GLRX3: variants seen among roughly 807,000 people sequenced by gnomAD.
The protein encoded by GLRX3 is glutaredoxin 3.
GLRX3 carries 22 observed loss-of-function variants against 49.5 expected under a neutral mutation model. The observed-to-expected ratio is 0.44, with a 90% CI of 0.32 to 0.63. The LOEUF (loss-of-function observed/expected upper bound fraction) is 0.63. Ranked by LOEUF, GLRX3 falls within the 30% of genes least tolerant of loss-of-function variation. GLRX3 has a pLI of 0.05. For missense variants in GLRX3, 385 were observed against 396.3 expected (o/e 0.97, Z 0.24); for synonymous variants, 133 against 140.0 (o/e 0.95, Z 0.35).
At chr10:130,144,121 T>C (rs573802182) in intron 1 of GLRX3, among the ~76,000 whole-genome samples, 11 of 152,352 alleles carry the variant, frequency 7.2e-5, no homozygotes, top group African/African-American at 2.4e-4. Context: ...CTGCTGTTTC[T>C]ATGGTCACGG....
chr10:130,170,626 G>A (rs915717640), intron 7 of GLRX3, among the ~76,000 whole-genome samples: 2 of 151,842 alleles, frequency 1.3e-5, no homozygotes, highest in East Asian at 1.9e-4. Flanking sequence ...TCTTATTCTC[G>A]GTAATGGTTT....
intron 1 of GLRX3, among the ~76,000 whole-genome samples, chr10:130,136,750 C>G (rs1157051045): frequency 1.3e-5 from 2 of 152,144 alleles, no homozygotes; most frequent in Non-Finnish European, 2.9e-5. Context: ...CTGGAAGCCC[C>G]GGCCCCAGCC....
intron 1 of GLRX3, among the ~76,000 whole-genome samples, chr10:130,138,992 G>T (rs1040132115): frequency 1.3e-5 from 2 of 151,470 alleles, no homozygotes; most frequent in Non-Finnish European, 1.5e-5. Context: ...CTTCTGAGTA[G>T]CTGGGATTAC....
At chr10:130,136,841 C>T (rs928760308) in intron 1 of GLRX3, among the ~76,000 whole-genome samples, 3 of 152,064 alleles carry the variant, frequency 2.0e-5, no homozygotes, top group African/African-American at 4.8e-5. Context: ...CGCCGCGGGA[C>T]GGAGGCGGTG....
At chr10:130,155,131 C>T (rs1043625837) in intron 2 of GLRX3, among the ~76,000 whole-genome samples, 1 of 152,086 alleles carries the variant, frequency 6.6e-6, no homozygotes, top group African/African-American at 2.4e-5. Context: ...GCTACTGTGC[C>T]AGCAGGGCCA....
chr10:130,158,055 C>T (rs1210846049), intron 2 of GLRX3, among the ~76,000 whole-genome samples: 1 of 152,088 alleles, frequency 6.6e-6, no homozygotes, highest in Non-Finnish European at 1.5e-5. Flanking sequence ...TTACCATTGT[C>T]TCTTGTTATG....
chr10:130,167,144 A>G (rs2134914216), intron 6 of GLRX3, among the ~76,000 whole-genome samples, 164 bp downstream of exon 6: 1 of 152,318 alleles, frequency 6.6e-6, no homozygotes, highest in East Asian at 1.9e-4. Flanking sequence ...TGGCAAATCT[A>G]ATTTGTATTG....
At chr10:130,166,827 T>C in intron 5 of GLRX3, 92 bp from the exon 6 acceptor site, 1 of 963,966 alleles carries the variant, frequency 1.0e-6, no homozygotes, top group Non-Finnish European at 1.6e-6. Flanking sequence ...TTCTGATTAG[T>C]TGATTGATCA....
rs1234069281 is a variant in GLRX3, at chr10:130,149,501, A to G, written c.201+4182A>G. On this transcript the variant is annotated intron_variant, in intron 2 of 10. Coordinates refer to ENST00000331244, the MANE Select transcript of GLRX3 (RefSeq NM_006541.5). ...AAACCTTGTGTTTATTCAGAATAAA[A>G]TGAAATAGTTAAAATGTTTTAGTGC... Among the ~76,000 whole-genome samples, 3 of 152,086 alleles carry G rather than the reference A, an allele frequency of 2.0e-5. No homozygotes were observed. In the East Asian group the frequency reaches 5.8e-4, roughly 29 times the overall value.
intron 7 of GLRX3, among the ~76,000 whole-genome samples, chr10:130,171,078 A>T (rs912415979): frequency 2.0e-5 from 3 of 151,678 alleles, no homozygotes; most frequent in African/African-American, 7.3e-5. Context: ...CAGTGAGCCG[A>T]GATCACACTC....
intron 2 of GLRX3, among the ~76,000 whole-genome samples, chr10:130,159,411 G>A (rs188208924): frequency 6.6e-6 from 1 of 152,308 alleles, no homozygotes; most frequent in East Asian, 1.9e-4. Context: ...TATTTACATT[G>A]TAAATAGACC....
chr10:130,137,337 A>G (rs1355093385), intron 1 of GLRX3, among the ~76,000 whole-genome samples: 1 of 152,222 alleles, frequency 6.6e-6, no homozygotes, highest in Non-Finnish European at 1.5e-5. Context: ...AATGCTTACT[A>G]GCGTGCGTGC....
At chr10:130,176,774 TTC>T (rs1554958610) in intron 10 of GLRX3, among the ~76,000 whole-genome samples, 4 of 111,004 alleles carry the variant, frequency 3.6e-5, no homozygotes, top group African/African-American at 1.5e-4. Context: ...CCCTCCCTCT[TTC>T]TCTCTCTCTC....
intron 2 of GLRX3, among the ~76,000 whole-genome samples, chr10:130,158,973 TC>T (rs1437010874): frequency 1.3e-5 from 2 of 152,182 alleles, no homozygotes; most frequent in Non-Finnish European, 2.9e-5. Context: ...CTTCCCACTT[TC>T]TCTGCAAGCT....
At chr10:130,140,808 TA>T (rs1251584089) in intron 1 of GLRX3, among the ~76,000 whole-genome samples, 21 of 152,358 alleles carry the variant, frequency 1.4e-4, no homozygotes, top group African/African-American at 4.8e-4. Flanking sequence ...GTAATGGCTT[TA>T]TGTTTTCTTA....
rs1161867057 is a variant in GLRX3 at position 130,157,493 on chromosome 10, GCCCCCCCCCCCCCCCCC to G, written c.202-2494_202-2478del. Reference sequence around the variant, plus strand: ...TTCAACCTATTGGATGGTGGCCGCCGCCCCCCCCCCCCCCCCCCCCCCCCGCCCATATTGGGTGAGAA... The same window carrying G: ...TTCAACCTATTGGATGGTGGCCGCCGCCCCCCCGCCCATATTGGGTGAGAA... On this transcript the variant is annotated intron_variant, in intron 2 of 10. Coordinates refer to ENST00000331244, the MANE Select transcript of GLRX3 (RefSeq NM_006541.5). 4.7e-3 allele frequency among the ~76,000 whole-genome samples: 28 copies of G among 5,980 alleles called. 6 individuals are homozygous for G. The East Asian group carries it at 0.079, about 17-fold the overall frequency. 3.9% of individuals were successfully genotyped at this position (5,980 alleles called of 152,430 possible).
At chr10:130,145,045 G>T (rs111915490) in intron 1 of GLRX3, among the ~76,000 whole-genome samples, 166 bp from the exon 2 acceptor site, 6 of 152,338 alleles carry the variant, frequency 3.9e-5, no homozygotes, top group African/African-American at 1.4e-4. Flanking sequence ...ACCTTGCAGA[G>T]TGCTTTTATG....
At chr10:130,178,611 T>C (rs984340490) in intron 10 of GLRX3, among the ~76,000 whole-genome samples, 1 of 152,134 alleles carries the variant, frequency 6.6e-6, no homozygotes, top group Non-Finnish European at 1.5e-5. Flanking sequence ...TATTTATTGC[T>C]ACAGTTTAAA....
chr10:130,174,779 T>A, intron 8 of GLRX3, 88 bp from the exon 9 acceptor site: 1 of 847,898 alleles, frequency 1.2e-6, no homozygotes, highest in Non-Finnish European at 2.0e-6. Context: ...AACGGTTTTC[T>A]TGATTATTTT....
Sources: allele counts gnomAD v4.1 joint callset (sites outside exome capture counted in the v4.1 genomes callset), GRCh38; gene constraint gnomAD v4.1.1; transcripts MANE v1.5; gene names NCBI Gene and HGNC (gene_info 2026-07-23, HGNC 2026-07-21).